CALN1: variants seen among roughly 807,000 people sequenced by gnomAD.
CALN1 encodes the protein calneuron 1, also known as calcium-binding protein 8.
Under a neutral mutation model 30.6 loss-of-function variants are expected in CALN1, and 17 were observed. The ratio of observed to expected loss-of-function variants is 0.56; its 90% confidence interval spans 0.38 to 0.83. The LOEUF is 0.83. Ranked by LOEUF, CALN1 falls within the 40% of genes least tolerant of loss-of-function variation. The probability of loss-of-function intolerance (pLI) is 0.00; values close to 1 mark genes in which losing one functional copy is unlikely to be tolerated. For missense variants in CALN1, 291 were observed against 354.9 expected (o/e 0.82, Z 1.45); for synonymous variants, 156 against 131.4 (o/e 1.19, Z -1.28).
chr7:72,279,039 C>T (rs1797554348), intron 2 of CALN1, among the ~76,000 whole-genome samples: 1 of 152,134 alleles, frequency 6.6e-6, no homozygotes, highest in Admixed American at 6.5e-5. Context: ...TTCATTTTCC[C>T]CATTTAATTA....
At chr7:72,437,620 CCTTT>C (rs749650135) in intron 1 of CALN1, among the ~76,000 whole-genome samples, 9 of 151,126 alleles carry the variant, frequency 6.0e-5, no homozygotes, top group South Asian at 4.2e-4. Flanking sequence ...ATATCTTTTG[CCTTT>C]CTTTCTTTTT....
At chr7:72,097,952 G>A (rs1278355474) in intron 4 of CALN1, among the ~76,000 whole-genome samples, 1 of 152,096 alleles carries the variant, frequency 6.6e-6, no homozygotes, top group Admixed American at 6.5e-5. Context: ...GACCTCAAGT[G>A]ATCCACCCGC....
chr7:72,261,581 G>A (rs1445064058), intron 3 of CALN1, among the ~76,000 whole-genome samples: 3 of 151,980 alleles, frequency 2.0e-5, no homozygotes, highest in South Asian at 2.1e-4. Context: ...TGCACATCAC[G>A]CTTGGATAAC....
At chr7:71,936,325 C>T (rs896101190) in intron 5 of CALN1, among the ~76,000 whole-genome samples, 1 of 149,832 alleles carries the variant, frequency 6.7e-6, no homozygotes, top group African/African-American at 2.5e-5. Context: ...GGTGAAACCC[C>T]ATCTCTACTA....
At chr7:71,834,262 ATT>A in intron 5 of CALN1, among the ~76,000 whole-genome samples, 1 of 148,902 alleles carries the variant, frequency 6.7e-6, no homozygotes, top group Non-Finnish European at 1.5e-5. Flanking sequence ...AACTAGTTAA[ATT>A]AAATTACATA....
chr7:71,887,447 C>T (rs2116859537), intron 5 of CALN1, among the ~76,000 whole-genome samples: 1 of 152,288 alleles, frequency 6.6e-6, no homozygotes, highest in South Asian at 2.1e-4. Flanking sequence ...AGGCATGCGT[C>T]ACCACGCCTG....
At chr7:72,496,191 G>A in the CALN1 span, among the ~76,000 whole-genome samples, 1 of 152,058 alleles carries the variant, frequency 6.6e-6, no homozygotes, top group Non-Finnish European at 1.5e-5. Flanking sequence ...CAAAGTGCTG[G>A]GATTACAGGT....
intron 2 of CALN1, among the ~76,000 whole-genome samples, chr7:72,324,523 GCTCT>G (rs147746405): frequency 7.3e-5 from 11 of 151,060 alleles, no homozygotes; most frequent in South Asian, 6.3e-4. Context: ...TTCAGCTCTG[GCTCT>G]CTCTCTCTTT....
chr7:72,317,190 G>A (rs1325774630), intron 2 of CALN1, among the ~76,000 whole-genome samples: 1 of 130,994 alleles, frequency 7.6e-6, no homozygotes, highest in Admixed American at 7.7e-5. Flanking sequence ...GGAGGCAGGA[G>A]GGGAGGGAAG....
At chr7:72,161,002 A>G (rs954854298) in intron 3 of CALN1, among the ~76,000 whole-genome samples, 2 of 152,158 alleles carry the variant, frequency 1.3e-5, no homozygotes, top group Non-Finnish European at 2.9e-5. Context: ...ACCAAGTTAA[A>G]CAGAAGCTGG....
At chr7:72,412,393 C>CTGCTGATTGGTCCATTTTACAGAG (rs1472848693), upstream of CALN1, 2 of 152,150 alleles carry the variant, frequency 1.3e-5, no homozygotes, top group African/African-American at 4.8e-5. Flanking sequence ...TGCCCATGTC[C>CTGCTGATTGGTCCATTTTACAGAG]TGCTGATTGG....
chr7:72,192,112 T>A (rs1312542460), intron 3 of CALN1, among the ~76,000 whole-genome samples: 2 of 152,132 alleles, frequency 1.3e-5, no homozygotes, highest in African/African-American at 4.8e-5. Context: ...TCCTCTGACC[T>A]CTGCAGAAGG....
chr7:72,336,129 G>C (rs1321828107), intron 2 of CALN1, among the ~76,000 whole-genome samples: 1 of 152,206 alleles, frequency 6.6e-6, no homozygotes, highest in East Asian at 1.9e-4. Context: ...CTCGGGGTGG[G>C]TGGCGGCGAG....
At chr7:71,994,217 G>T (rs1363461956) in intron 5 of CALN1, among the ~76,000 whole-genome samples, 3 of 152,122 alleles carry the variant, frequency 2.0e-5, no homozygotes, top group Non-Finnish European at 2.9e-5. Flanking sequence ...ACTGTTTACA[G>T]ATAGTAAAAT....
intron 5 of CALN1, among the ~76,000 whole-genome samples, chr7:71,932,420 GCCTCC>G (rs1795600746): frequency 1.3e-5 from 2 of 151,986 alleles, no homozygotes; most frequent in Admixed American, 1.3e-4. Context: ...TCCTGCCTCG[GCCTCC>G]CAAAGTGCTG....
chr7:72,408,557 G>C (rs1319233936), intron 1 of CALN1, among the ~76,000 whole-genome samples: 1 of 151,836 alleles, frequency 6.6e-6, no homozygotes, highest in Non-Finnish European at 1.5e-5. Flanking sequence ...CAAGGCCCTG[G>C]TCATCATGGA....
intron 3 of CALN1, among the ~76,000 whole-genome samples, chr7:72,191,905 T>C (rs1790636795): frequency 6.6e-6 from 1 of 152,166 alleles, no homozygotes; most frequent in Admixed American, 6.5e-5. Context: ...CCTTGCCTTT[T>C]CTATTAGGCT....
chr7:71,951,781 T>C (rs545883536), intron 5 of CALN1, among the ~76,000 whole-genome samples: 2 of 152,328 alleles, frequency 1.3e-5, no homozygotes, highest in Admixed American at 6.5e-5. Context: ...ACCTGGCATC[T>C]ATGGCTCAGT....
At chr7:72,412,656 C>T (rs1807260905), upstream of CALN1, among the ~76,000 whole-genome samples, 1 of 152,308 alleles carries the variant, frequency 6.6e-6, no homozygotes, top group East Asian at 1.9e-4. Flanking sequence ...GCAGCCCCAG[C>T]CCTTGTCCCC....
Sources: gnomAD v4.1 joint callset for allele counts (sites outside exome capture counted in the v4.1 genomes callset) on GRCh38, gnomAD v4.1.1 for gene constraint, MANE v1.5 for transcripts, NCBI Gene and HGNC (gene_info 2026-07-23, HGNC 2026-07-21) for gene names.